The following PDXDC1 variants were observed in gnomAD, a reference collection of about 807,000 sequenced individuals.
PDXDC1 encodes the protein pyridoxal-dependent decarboxylase domain-containing protein 1.
A neutral mutation model predicts 100.1 loss-of-function variants in PDXDC1; 42 were observed. The ratio of observed to expected loss-of-function variants is 0.42; its 90% CI spans 0.33 to 0.54. The LOEUF is 0.54. PDXDC1 is among the 20% of genes least tolerant of loss of function. The pLI, the probability that PDXDC1 is intolerant of heterozygous loss-of-function variation, is 0.10. For synonymous variants in PDXDC1, 260 were observed against 371.7 expected (o/e 0.70, Z 3.46); for missense variants, 636 against 979.2 (o/e 0.65, Z 4.68).
the PDXDC1 span, among the ~76,000 whole-genome samples, chr16:15,145,724 G>C: frequency 2.6e-5 from 4 of 152,266 alleles, no homozygotes; most frequent in Admixed American, 6.5e-5. Context: ...GAAAGGGCGT[G>C]AGCTGCATTT....
intron 16 of PDXDC1, chr16:15,070,263 A>G (rs2045165200): frequency 6.2e-7 from 1 of 1,611,678 alleles, no homozygotes. Context: ...TACTAGAGAA[A>G]AGAAAAATTC....
At chr16:14,986,276 G>T (rs536973486) in intron 1 of PDXDC1, among the ~76,000 whole-genome samples, 4 of 152,272 alleles carry the variant, frequency 2.6e-5, no homozygotes, top group African/African-American at 9.6e-5. Context: ...AGTTTGACCC[G>T]GCCAACATGG....
chr16:15,017,569 CT>C (rs201927328), intron 11 of PDXDC1, 147 bp downstream of exon 11: 78 of 689,714 alleles, frequency 1.1e-4, no homozygotes, highest in Admixed American at 5.4e-4. Context: ...ACTTGTGAGA[CT>C]TTTTTTAATG....
intron 1 of PDXDC1, chr16:14,988,639 C>T (rs199809419): frequency 0.027 from 43,726 of 1,600,828 alleles, 36 homozygotes; most frequent in Non-Finnish European, 0.033. Context: ...TCCACGGACT[C>T]GTGTAGGTAG....
intron 12 of PDXDC1, among the ~76,000 whole-genome samples, chr16:15,021,560 C>A (rs1567690430): frequency 1.3e-5 from 2 of 152,256 alleles, no homozygotes; most frequent in Admixed American, 6.5e-5. Flanking sequence ...TTTTCAATAT[C>A]CCGTGGCTAT....
At chr16:15,075,933 T>A (rs547172240) in intron 16 of PDXDC1, among the ~76,000 whole-genome samples, 1 of 152,318 alleles carries the variant, frequency 6.6e-6, no homozygotes, top group East Asian at 1.9e-4. Flanking sequence ...CCTTGCACTC[T>A]TTCCAGCCCC....
chr16:15,092,295 ACT>A (rs1350739609), intron 16 of PDXDC1, among the ~76,000 whole-genome samples: 1 of 152,130 alleles, frequency 6.6e-6, no homozygotes, highest in Non-Finnish European at 1.5e-5. Context: ...AGACATTATT[ACT>A]CTCTCATTAT....
intron 16 of PDXDC1, chr16:15,104,801 G>C (rs1193622266): frequency 2.6e-6 from 4 of 1,552,870 alleles, no homozygotes; most frequent in Middle Eastern, 2.3e-4. Context: ...ATATTCATTT[G>C]ATGGACAAAA....
intron 16 of PDXDC1, chr16:15,135,820 A>G (rs2048322567): frequency 2.7e-6 from 4 of 1,488,814 alleles, no homozygotes; most frequent in South Asian, 2.2e-5. Context: ...CCACCGTCAC[A>G]TTGGCCTGGA....
intron 16 of PDXDC1, chr16:15,094,256 T>G (rs763154726): frequency 1.0e-5 from 16 of 1,544,034 alleles, no homozygotes; most frequent in East Asian, 7.2e-5. Flanking sequence ...ACGCGACCGC[T>G]GCGCCTCAGG....
chr16:15,095,155 A>G (rs1474479729), intron 16 of PDXDC1, among the ~76,000 whole-genome samples: 2 of 152,060 alleles, frequency 1.3e-5, no homozygotes, highest in Non-Finnish European at 2.9e-5. Flanking sequence ...AATTTTTAAA[A>G]GAGGAACAGG....
chr16:15,099,793 A>T (rs2151845023), intron 16 of PDXDC1, among the ~76,000 whole-genome samples: 1 of 152,274 alleles, frequency 6.6e-6, no homozygotes, highest in Admixed American at 6.5e-5. Flanking sequence ...TTCATTCCAG[A>T]ACAAAATTTT....
chr16:15,090,325 G>A (rs953509520), intron 16 of PDXDC1, among the ~76,000 whole-genome samples: 29 of 152,244 alleles, frequency 1.9e-4, no homozygotes, highest in African/African-American at 4.1e-4. Flanking sequence ...ATGATACAGC[G>A]CAGTCAGCTG....
chr16:15,094,539 G>A (rs1056230217), intron 16 of PDXDC1: 2 of 474,112 alleles, frequency 4.2e-6, no homozygotes, highest in Non-Finnish European at 7.4e-6. Context: ...AGCTGTGGCC[G>A]GGTACACTCA....
At chr16:15,080,059 T>C (rs780666887) in intron 16 of PDXDC1, 1 of 1,603,184 alleles carries the variant, frequency 6.2e-7, no homozygotes, top group African/African-American at 1.3e-5. Flanking sequence ...GGTTGGAAAA[T>C]ATACACTAAT....
intron 16 of PDXDC1, among the ~76,000 whole-genome samples, chr16:15,106,588 T>C (rs2046808509): frequency 6.7e-6 from 1 of 149,900 alleles, no homozygotes; most frequent in African/African-American, 2.4e-5. Context: ...ACCCTGTCTC[T>C]ACTAAAAATA....
intron 16 of PDXDC1, among the ~76,000 whole-genome samples, chr16:15,047,043 A>C (rs1474664573): frequency 6.6e-6 from 1 of 151,924 alleles, no homozygotes; most frequent in African/African-American, 2.4e-5. Context: ...CTTTCTGTCT[A>C]CTCTTCACTG....
chr16:15,145,514 A>G, the PDXDC1 span, among the ~76,000 whole-genome samples: 1 of 152,244 alleles, frequency 6.6e-6, no homozygotes, highest in Non-Finnish European at 1.5e-5. Flanking sequence ...GCCTGACAGA[A>G]GCCAGCCTGT....
At chr16:15,032,823 C>A (rs1176699055) in intron 17 of PDXDC1, 38 bp from the exon 18 acceptor site, 1 of 1,140,130 alleles carries the variant, frequency 8.8e-7, no homozygotes, top group Non-Finnish European at 1.3e-6. Context: ...GACATTTGAT[C>A]TTTTAAGCTG....
Sources: gnomAD v4.1 joint callset for allele counts (sites outside exome capture counted in the v4.1 genomes callset) on GRCh38, gnomAD v4.1.1 for gene constraint, MANE v1.5 for transcripts, NCBI Gene and HGNC (gene_info 2026-07-23, HGNC 2026-07-21) for gene names.